The following BCAT1 variants were observed in gnomAD, a reference collection of about 807,000 sequenced individuals.
BCAT1 encodes branched chain amino acid transaminase 1.
BCAT1 carries 48 observed loss-of-function variants against 52.4 expected under a neutral mutation model. That is an observed-to-expected ratio of 0.92 (90% confidence interval 0.73 to 1.16). BCAT1 has a LOEUF of 1.16. BCAT1 is among the 50% of genes most tolerant of loss of function. The pLI, the probability that BCAT1 is intolerant of heterozygous loss-of-function variation, is 0.00. For missense variants in BCAT1, 451 were observed against 457.1 expected (o/e 0.99, Z 0.12); for synonymous variants, 167 against 161.3 (o/e 1.04, Z -0.27).
chr12:24,847,468 C>CAGTT (rs2139455110), intron 6 of BCAT1, among the ~76,000 whole-genome samples: 1 of 152,278 alleles, frequency 6.6e-6, no homozygotes, highest in South Asian at 2.1e-4. Context: ...ACCATTATGA[C>CAGTT]AGTTAGGTTT....
At chr12:24,854,981 C>T (rs1472596957) in intron 5 of BCAT1, among the ~76,000 whole-genome samples, 1 of 152,054 alleles carries the variant, frequency 6.6e-6, no homozygotes, top group African/African-American at 2.4e-5. Flanking sequence ...CTGCTGAGTG[C>T]CCCCCGCCCC....
chr12:24,876,217 A>G (rs923762453), intron 5 of BCAT1, among the ~76,000 whole-genome samples: 1 of 149,026 alleles, frequency 6.7e-6, no homozygotes, highest in African/African-American at 2.5e-5. Flanking sequence ...GTTGGAGTGC[A>G]GCTGTATTAG....
chr12:24,899,630 C>A (rs1269505250), intron 2 of BCAT1, among the ~76,000 whole-genome samples: 2 of 152,056 alleles, frequency 1.3e-5, no homozygotes, highest in Non-Finnish European at 2.9e-5. Flanking sequence ...ATGGAATCAC[C>A]TAAGTGTCCA....
chr12:24,942,304 G>T (rs903583846), intron 1 of BCAT1, among the ~76,000 whole-genome samples: 3 of 152,162 alleles, frequency 2.0e-5, no homozygotes, highest in Admixed American at 6.5e-5. Context: ...AGTTTGGGAG[G>T]CCAAGGCGGG....
chr12:24,889,798 T>A (rs1011355352), intron 3 of BCAT1, among the ~76,000 whole-genome samples: 1 of 152,120 alleles, frequency 6.6e-6, no homozygotes, highest in Non-Finnish European at 1.5e-5. Flanking sequence ...AATACCACCC[T>A]AGGCTACATA....
intron 1 of BCAT1, among the ~76,000 whole-genome samples, chr12:24,948,663 A>T (rs1943973123): frequency 6.6e-6 from 1 of 152,206 alleles, no homozygotes; most frequent in South Asian, 2.1e-4. Context: ...GCTGTAGCAG[A>T]CTTTCACCTC....
chr12:24,848,820 T>C (rs1043413366), intron 6 of BCAT1, among the ~76,000 whole-genome samples: 8 of 152,278 alleles, frequency 5.3e-5, no homozygotes, highest in African/African-American at 1.9e-4. Context: ...TCTCTACCCA[T>C]TGAGGGAATG....
Position 24,943,079 on chromosome 12 carries a change from C to T in BCAT1, c.6+5848G>A, listed in dbSNP as rs948943833. Reference sequence around the variant, plus strand: ...AACTAAACCATTTCAGTCTTTTCTACCTGTCTTCCATGCTATATGCACTCT... The same window carrying T: ...AACTAAACCATTTCAGTCTTTTCTATCTGTCTTCCATGCTATATGCACTCT... On this transcript the variant is annotated intron_variant, in intron 1 of 10. Transcript: ENST00000261192. 2.6e-5 allele frequency among the ~76,000 whole-genome samples: 4 copies of T among 152,232 alleles called. 1 individual carries two copies. In the South Asian group the frequency reaches 6.2e-4, roughly 24 times the overall value.
intron 1 of BCAT1, among the ~76,000 whole-genome samples, chr12:24,919,521 C>A (rs1257329853): frequency 1.3e-5 from 2 of 152,138 alleles, no homozygotes; most frequent in Non-Finnish European, 2.9e-5. Context: ...TCGGCCTCCT[C>A]CCCTGTAGGA....
In BCAT1 at chr12:24,832,868, A is replaced by G. The variant is rs111389583; in HGVS notation, c.904-5T>C. The G allele has an allele frequency of 1.7e-3, 2,671 of 1,602,344 alleles. 7 individuals carry two copies. The highest frequency in any genetic ancestry group is 2.1e-3 in the Non-Finnish European group (2,409 of 1,174,706). On this transcript the variant is annotated splice_polypyrimidine_tract_variant and splice_region_variant and intron_variant, in intron 8 of 10. Transcript: ENST00000261192. ...CTCTGACACCTTAAATTCACCCTGC[A>G]TGGAATATAAAAAATAACAAGTATA...
rs1008157513 is a variant in BCAT1 at position 24,902,231 on chromosome 12, C to A, written c.7-346G>T. The stretch of plus-strand genomic sequence containing the variant: ...CTTATATCCGAGCAAATAGTCTAGA[C>A]TGGGGTGTTAAGCCATTTATAGAAA... On this transcript the variant is annotated intron_variant, in intron 1 of 10. Coordinates refer to ENST00000261192, the MANE Select transcript of BCAT1 (RefSeq NM_005504.7). 12 of 1,383,608 alleles carry A rather than the reference C, an allele frequency of 8.7e-6. No individual in the cohort carries two copies. The African/African-American group carries it at 1.7e-4, about 20-fold the overall frequency. The allele number at this position is 1,383,608 out of a possible 1,614,324, so 85.7% of individuals were successfully genotyped here.
At chr12:24,924,410 A>G (rs1943549778) in intron 1 of BCAT1, among the ~76,000 whole-genome samples, 1 of 152,234 alleles carries the variant, frequency 6.6e-6, no homozygotes, top group Admixed American at 6.5e-5. Context: ...TAAAAGGAGA[A>G]AATGTCCCTT....
Position 24,816,256 on chromosome 12 carries a change from A to C in BCAT1, c.*1752T>G, listed in dbSNP as rs1426712405. The stretch of plus-strand genomic sequence containing the variant: ...CTAAATGCCTCAAGGAAATTTTTCC[A>C]ATGCATCAAACTTTTAGAATCCTTT... On this transcript the variant is annotated 3_prime_UTR_variant, in exon 11 of 11. Coordinates refer to ENST00000261192, the MANE Select transcript of BCAT1 (RefSeq NM_005504.7). 3 of 358,414 alleles carry C rather than the reference A, an allele frequency of 8.4e-6. No individual in the cohort carries two copies. Among genetic ancestry groups the C allele is most frequent in the African/African-American group, 6.3e-5 (3 of 47,814 alleles). 22.2% of individuals were successfully genotyped at this position (358,414 alleles called of 1,614,324 possible).
At chr12:24,924,750 G>A in intron 1 of BCAT1, among the ~76,000 whole-genome samples, 1 of 152,104 alleles carries the variant, frequency 6.6e-6, no homozygotes, top group East Asian at 1.9e-4. Flanking sequence ...AACACATTTT[G>A]AGGTCAGCTA....
intron 1 of BCAT1, chr12:24,902,797 A>C: frequency 4.5e-6 from 5 of 1,118,540 alleles, no homozygotes; most frequent in African/African-American, 1.7e-5. Flanking sequence ...GATGCGGGGA[A>C]GGGAAGACGC....
chr12:24,948,709 G>C (rs1044194650), intron 1 of BCAT1, among the ~76,000 whole-genome samples: 3 of 152,174 alleles, frequency 2.0e-5, no homozygotes, highest in Non-Finnish European at 4.4e-5. Context: ...GTCCGAGAAG[G>C]CACGTCCTGC....
chr12:24,895,537 A>G (rs1225661656), intron 2 of BCAT1, among the ~76,000 whole-genome samples: 1 of 151,914 alleles, frequency 6.6e-6, no homozygotes, highest in Non-Finnish European at 1.5e-5. Flanking sequence ...GAAAAAAAAA[A>G]AAGAAAAGAA....
intron 1 of BCAT1, among the ~76,000 whole-genome samples, chr12:24,922,289 C>G (rs914721108): frequency 1.3e-5 from 2 of 152,188 alleles, no homozygotes; most frequent in African/African-American, 4.8e-5. Flanking sequence ...CTCAGTCCCC[C>G]AAGTAGCTGG....
intron 6 of BCAT1, among the ~76,000 whole-genome samples, chr12:24,845,056 T>C (rs967673121): frequency 6.7e-6 from 1 of 150,152 alleles, no homozygotes; most frequent in Non-Finnish European, 1.5e-5. Flanking sequence ...CTACCAAAAA[T>C]ATAAAAAACT....
Sources: gnomAD v4.1 joint callset for allele counts (sites outside exome capture counted in the v4.1 genomes callset) on GRCh38, gnomAD v4.1.1 for gene constraint, MANE v1.5 for transcripts, NCBI Gene and HGNC (gene_info 2026-07-23, HGNC 2026-07-21) for gene names.